ZNF423: variants seen among roughly 807,000 people sequenced by gnomAD.
ZNF423 encodes the protein zinc finger protein 423.
In ZNF423, 12 loss-of-function variants were observed where a neutral mutation model predicts 95.8. The observed-to-expected ratio is 0.13, with a 90% CI of 0.08 to 0.20. The LOEUF is 0.20. ZNF423 is among the 10% of genes least tolerant of loss of function. The pLI, the probability that ZNF423 is intolerant of heterozygous loss-of-function variation, is 1.00. For missense variants in ZNF423, 1,316 were observed against 1,737.1 expected (o/e 0.76, Z 4.31); for synonymous variants, 749 against 711.9 (o/e 1.05, Z -0.83).
chr16:49,702,903 G>GCACGCGCA (rs2032231001), intron 3 of ZNF423, among the ~76,000 whole-genome samples: 1 of 118,480 alleles, frequency 8.4e-6, no homozygotes, highest in Non-Finnish European at 1.8e-5. Context: ...CTGCCTGTGT[G>GCACGCGCA]CACACGCACA....
intron 5 of ZNF423, among the ~76,000 whole-genome samples, chr16:49,559,535 T>C (rs1422338842): frequency 6.6e-6 from 1 of 152,166 alleles, no homozygotes; most frequent in Non-Finnish European, 1.5e-5. Context: ...CATCACTGAC[T>C]TATCTCTGCC....
At chr16:49,767,546 C>T (rs998630622) in intron 2 of ZNF423, among the ~76,000 whole-genome samples, 2 of 152,172 alleles carry the variant, frequency 1.3e-5, no homozygotes, top group South Asian at 2.1e-4. Context: ...TCACTGACAT[C>T]TAATTAGATG....
intron 5 of ZNF423, among the ~76,000 whole-genome samples, chr16:49,609,145 G>C (rs1971635149): frequency 6.6e-6 from 1 of 152,180 alleles, no homozygotes; most frequent in Admixed American, 6.5e-5. Context: ...AGAGAGGTAT[G>C]AGTGGAGACC....
chr16:49,584,054 A>G (rs1399936181), intron 5 of ZNF423, among the ~76,000 whole-genome samples: 1 of 152,226 alleles, frequency 6.6e-6, no homozygotes, highest in Non-Finnish European at 1.5e-5. Flanking sequence ...CCAAGCTTAA[A>G]AAGTCCCTTT....
intron 2 of ZNF423, among the ~76,000 whole-genome samples, chr16:49,752,438 G>C (rs1235612314): frequency 6.6e-6 from 1 of 152,236 alleles, no homozygotes; most frequent in Non-Finnish European, 1.5e-5. Flanking sequence ...GAGCAAGGCT[G>C]GTCCCCCTTT....
intron 3 of ZNF423, among the ~76,000 whole-genome samples, chr16:49,678,461 C>T (rs2031216057): frequency 6.6e-6 from 1 of 152,148 alleles, no homozygotes; most frequent in Non-Finnish European, 1.5e-5. Flanking sequence ...AGTCCCTGTC[C>T]TCGTGGAGTT....
intron 5 of ZNF423, among the ~76,000 whole-genome samples, chr16:49,550,672 C>A (rs77444668): frequency 6.6e-6 from 1 of 152,194 alleles, no homozygotes; most frequent in Admixed American, 6.5e-5. Flanking sequence ...TTGGCCATAG[C>A]GTGGGGACAT....
chr16:49,798,896 T>A (rs907870482), intron 1 of ZNF423, among the ~76,000 whole-genome samples: 3 of 152,328 alleles, frequency 2.0e-5, no homozygotes, highest in African/African-American at 7.2e-5. Context: ...TGCCTTGCTA[T>A]ATATAAAATA....
At chr16:49,626,492 T>G (rs534202132) in intron 4 of ZNF423, among the ~76,000 whole-genome samples, 53 of 152,156 alleles carry the variant, frequency 3.5e-4, no homozygotes, top group African/African-American at 1.2e-3. Context: ...AAAACTGCCA[T>G]CTCAAGGTGA....
At chr16:49,616,253 T>G (rs1374250428) in intron 5 of ZNF423, among the ~76,000 whole-genome samples, 1 of 152,200 alleles carries the variant, frequency 6.6e-6, no homozygotes. Flanking sequence ...CTCACTCATT[T>G]GTAGGAGCTA....
intron 3 of ZNF423, among the ~76,000 whole-genome samples, chr16:49,669,084 C>T (rs1194335433): frequency 6.6e-6 from 1 of 152,088 alleles, no homozygotes; most frequent in Non-Finnish European, 1.5e-5. Flanking sequence ...AATCCTAGCA[C>T]TTTGGGAGGC....
At chr16:49,561,723 A>G (rs1970023146) in intron 5 of ZNF423, among the ~76,000 whole-genome samples, 2 of 152,272 alleles carry the variant, frequency 1.3e-5, no homozygotes, top group Non-Finnish European at 2.9e-5. Flanking sequence ...CTTCAGGTGC[A>G]TTAAGTGCGG....
intron 2 of ZNF423, among the ~76,000 whole-genome samples, chr16:49,785,186 C>G (rs2034291334): frequency 6.6e-6 from 1 of 152,158 alleles, no homozygotes; most frequent in Admixed American, 6.5e-5. Context: ...AAGTGATCCT[C>G]TTGCCTCAGC....
At position 49,697,547 on chromosome 16, in the gene ZNF423, C is replaced by T. The variant is rs188948640; in HGVS notation, c.301+33224G>A. 8.4e-4 allele frequency among the ~76,000 whole-genome samples: 127 copies of T among 151,920 alleles called. 2 individuals are homozygous for T. The South Asian group carries it at 0.01, about 12-fold the overall frequency. ...CTGCGTCTCGTATGCCAGACTGACA[C>T]GCAGGTTTACAGCACACTGATTTTA... is the stretch of plus-strand genomic sequence containing the variant. On this transcript the variant is annotated intron_variant, in intron 3 of 7. Transcript: ENST00000563137.
chr16:49,514,259 CACAT>C (rs909414019), intron 7 of ZNF423, among the ~76,000 whole-genome samples: 31 of 145,246 alleles, frequency 2.1e-4, no homozygotes, highest in Non-Finnish European at 3.3e-4. Context: ...CACACACACA[CACAT>C]GCACATACAC....
intron 3 of ZNF423, among the ~76,000 whole-genome samples, chr16:49,652,331 A>G (rs964002522): frequency 6.7e-6 from 1 of 148,418 alleles, no homozygotes; most frequent in Non-Finnish European, 1.5e-5. Flanking sequence ...TTATTGCAGA[A>G]ATTAAACAGA....
intron 1 of ZNF423, among the ~76,000 whole-genome samples, chr16:49,830,634 C>G (rs990040172): frequency 1.3e-5 from 2 of 152,156 alleles, no homozygotes; most frequent in Non-Finnish European, 2.9e-5. Flanking sequence ...GGGAGCTTCT[C>G]TCTCCTGGTC....
At chr16:49,785,145 T>G (rs1194059051) in intron 2 of ZNF423, among the ~76,000 whole-genome samples, 3 of 152,154 alleles carry the variant, frequency 2.0e-5, no homozygotes, top group African/African-American at 7.2e-5. Flanking sequence ...GTCATGATCA[T>G]AACTCACCGT....
chr16:49,829,073 A>C (rs1317524831), intron 1 of ZNF423, among the ~76,000 whole-genome samples: 2 of 152,142 alleles, frequency 1.3e-5, no homozygotes, highest in African/African-American at 2.4e-5. Flanking sequence ...AGCAGCACCC[A>C]TATCATGTGG....
Sources: allele counts gnomAD v4.1 joint callset (sites outside exome capture counted in the v4.1 genomes callset), GRCh38; gene constraint gnomAD v4.1.1; transcripts MANE v1.5; gene names NCBI Gene and HGNC (gene_info 2026-07-23, HGNC 2026-07-21).